The following ABLIM1 variants were observed in gnomAD, a reference collection of about 807,000 sequenced individuals.
ABLIM1 encodes actin binding LIM protein 1, also known as actin-binding LIM protein 1.
ABLIM1 carries 40 observed loss-of-function variants against 107.0 expected under a neutral mutation model. That is an observed-to-expected ratio of 0.37 (90% CI 0.29 to 0.49). The LOEUF (loss-of-function observed/expected upper bound fraction) is 0.49, where lower values mean the gene tolerates loss of function less well. ABLIM1 is among the 20% of genes least tolerant of loss of function. ABLIM1 has a pLI of 0.97. For missense variants in ABLIM1, 857 were observed against 1,008.5 expected (o/e 0.85, Z 2.04); for synonymous variants, 357 against 357.3 (o/e 1.00, Z 0.01).
At chr10:114,474,259 T>C (rs891709402) in intron 8 of ABLIM1, among the ~76,000 whole-genome samples, 3 of 152,124 alleles carry the variant, frequency 2.0e-5, no homozygotes, top group African/African-American at 7.2e-5. Context: ...TCTACTGCCG[T>C]AGTCCCAGCC....
chr10:114,538,514 C>T (rs762259162), intron 6 of ABLIM1, among the ~76,000 whole-genome samples: 1 of 152,172 alleles, frequency 6.6e-6, no homozygotes, highest in Non-Finnish European at 1.5e-5. Flanking sequence ...GACATCACTG[C>T]ACGTTCCCAG....
At chr10:114,698,926 TG>T (rs2081249897) in intron 1 of ABLIM1, among the ~76,000 whole-genome samples, 1 of 151,790 alleles carries the variant, frequency 6.6e-6, no homozygotes, top group Non-Finnish European at 1.5e-5. Flanking sequence ...AGAAATAAAA[TG>T]GGATTAGGGG....
intron 2 of ABLIM1, among the ~76,000 whole-genome samples, chr10:114,578,509 C>T (rs188178793): frequency 5.3e-5 from 8 of 151,522 alleles, no homozygotes; most frequent in Non-Finnish European, 8.8e-5. Context: ...CCAGTTCAAG[C>T]GATTCTCCTG....
chr10:114,645,249 G>T (rs1170086111), intron 1 of ABLIM1, among the ~76,000 whole-genome samples: 4 of 151,808 alleles, frequency 2.6e-5, no homozygotes, highest in Admixed American at 2.6e-4. Flanking sequence ...ATGGGGAGGT[G>T]GTAGATAAAT....
At chr10:114,704,335 T>TATATATATATATATA (rs3061769) in intron 1 of ABLIM1, among the ~76,000 whole-genome samples, 16 of 83,400 alleles carry the variant, frequency 1.9e-4, no homozygotes, top group Non-Finnish European at 3.3e-4. Context: ...TATATATATA[T>TATATATATATATATA]TGCGCGCGTT....
chr10:114,436,838 T>TC (rs960096253), intron 22 of ABLIM1, among the ~76,000 whole-genome samples: 4 of 151,872 alleles, frequency 2.6e-5, no homozygotes, highest in Non-Finnish European at 5.9e-5. Context: ...CATCAGTCAT[T>TC]CCCCCCTAGA....
intron 1 of ABLIM1, among the ~76,000 whole-genome samples, chr10:114,638,984 G>A (rs1485359188): frequency 6.6e-6 from 1 of 152,166 alleles, no homozygotes; most frequent in Non-Finnish European, 1.5e-5. Flanking sequence ...CATTTCTGTG[G>A]TTTATGTAGA....
chr10:114,764,789 A>G (rs2082844921), intron 1 of ABLIM1: 1 of 152,366 alleles, frequency 6.6e-6, no homozygotes, highest in Admixed American at 6.5e-5. Flanking sequence ...CTGACATTCA[A>G]TTCAGACTGA....
rs199906362 is a variant in ABLIM1, at chr10:114,544,784, C to CT, written c.894+220dup. 3.8e-3 allele frequency among the ~76,000 whole-genome samples: 571 copies of CT among 150,358 alleles called. 3 individuals carry two copies. Among genetic ancestry groups the CT allele is most frequent in the African/African-American group, 0.013 (528 of 41,006 alleles). On this transcript the variant is annotated intron_variant, in intron 6 of 22. Transcript: ENST00000533213. ...AACTCCTACCAGAACCTTTATCATT[C>CT]TTTTTTTTTTCCTGTGCAAATTCTC...
At chr10:114,704,298 CTCTCTATATATA>C (rs1451429548) in intron 1 of ABLIM1, among the ~76,000 whole-genome samples, 53 of 28,748 alleles carry the variant, frequency 1.8e-3, no homozygotes, top group African/African-American at 6.2e-3. Flanking sequence ...CTCTCTCTCT[CTCTCTATATATA>C]TATATATATA....
chr10:114,559,285 A>G (rs2497736), intron 4 of ABLIM1, among the ~76,000 whole-genome samples: 56,477 of 151,690 alleles, frequency 0.37, 13,842 homozygotes, highest in African/African-American at 0.7. Flanking sequence ...CAGAAAAGGC[A>G]ATGGTCACAT....
chr10:114,578,632 G>A (rs986293860), intron 2 of ABLIM1, among the ~76,000 whole-genome samples: 5 of 151,434 alleles, frequency 3.3e-5, no homozygotes, highest in African/African-American at 4.9e-5. Context: ...TGTTGAACTC[G>A]TAACCTCAGG....
chr10:114,475,207 C>T (rs2056135791), intron 8 of ABLIM1, among the ~76,000 whole-genome samples: 1 of 152,178 alleles, frequency 6.6e-6, no homozygotes, highest in South Asian at 2.1e-4. Flanking sequence ...CACAAAGCTG[C>T]CTCGGAGTTC....
chr10:114,659,671 T>C (rs1332871418), upstream of ABLIM1, among the ~76,000 whole-genome samples: 3 of 152,228 alleles, frequency 2.0e-5, no homozygotes, highest in Non-Finnish European at 2.9e-5. Context: ...ACATGTGCCA[T>C]GTTGGTGTGC....
chr10:114,487,943 T>C lies in ABLIM1; in HGVS notation c.1041+15A>G. On this transcript the variant is annotated intron_variant, in intron 8 of 22. Transcript: ENST00000533213. ...TACAAATGCAGCTGGCATCATGTTTTAATTGTGTCCTTACCCGCAGCTTTT... is the reference window on the plus strand; with the variant it reads ...TACAAATGCAGCTGGCATCATGTTTCAATTGTGTCCTTACCCGCAGCTTTT... The C allele has an allele frequency of 6.2e-7, 1 of 1,614,024 alleles. No individual in the cohort carries two copies. Among genetic ancestry groups the C allele is most frequent in the African/African-American group, 1.3e-5 (1 of 75,054 alleles).
intron 21 of ABLIM1, among the ~76,000 whole-genome samples, chr10:114,438,392 T>C (rs1275941802): frequency 6.6e-6 from 1 of 152,148 alleles, no homozygotes; most frequent in African/African-American, 2.4e-5. Flanking sequence ...CCCGAGTAGC[T>C]GGGACTATAG....
At chr10:114,584,714 C>G (rs781679265) in intron 2 of ABLIM1, among the ~76,000 whole-genome samples, 7 of 152,130 alleles carry the variant, frequency 4.6e-5, no homozygotes, top group Non-Finnish European at 8.8e-5. Flanking sequence ...ACATCAAAAT[C>G]AATTATCATT....
chr10:114,726,087 C>T (rs2081953198), intron 1 of ABLIM1, among the ~76,000 whole-genome samples: 1 of 151,904 alleles, frequency 6.6e-6, no homozygotes, highest in African/African-American at 2.4e-5. Context: ...AAAAGCGTTT[C>T]CATATTTTTA....
chr10:114,662,557 C>G (rs943558361), upstream of ABLIM1, among the ~76,000 whole-genome samples: 12 of 152,158 alleles, frequency 7.9e-5, no homozygotes, highest in Admixed American at 7.9e-4. Context: ...CCAAAGCAGG[C>G]TGTGATTTTC....
Sources: allele counts gnomAD v4.1 joint callset (sites outside exome capture counted in the v4.1 genomes callset), GRCh38; gene constraint gnomAD v4.1.1; transcripts MANE v1.5; gene names NCBI Gene and HGNC (gene_info 2026-07-23, HGNC 2026-07-21).